The following EFEMP1 variants were observed in gnomAD, a reference collection of about 807,000 sequenced individuals.
EFEMP1 encodes EGF-like fibulin extracellular matrix protein 1.
EFEMP1 carries 18 observed loss-of-function variants against 65.7 expected under a neutral mutation model. The observed-to-expected ratio is 0.27, with a 90% CI of 0.19 to 0.41. The LOEUF is 0.41. Among genes scored for constraint, EFEMP1 ranks in the 10% least tolerant of loss-of-function variants. The pLI is 1.00. For synonymous variants in EFEMP1, 237 were observed against 219.7 expected (o/e 1.08, Z -0.70); for missense variants, 469 against 624.8 (o/e 0.75, Z 2.66).
intron 5 of EFEMP1, among the ~76,000 whole-genome samples, chr2:55,904,383 G>C (rs1161070908): frequency 6.6e-6 from 1 of 152,234 alleles, no homozygotes. Flanking sequence ...GTTTGTGATG[G>C]TTAATTTTAT....
chr2:55,877,875 C>A lies in EFEMP1; in HGVS notation c.641-10G>T. Reference sequence around the variant, plus strand: ...GTACATTCATCTATGTCTAGGTTATCAGGCACACACACAAAGAGAACCAAA... The same window carrying A: ...GTACATTCATCTATGTCTAGGTTATAAGGCACACACACAAAGAGAACCAAA... On this transcript the variant is annotated splice_polypyrimidine_tract_variant and intron_variant, in intron 6 of 11. Coordinates refer to ENST00000355426, the MANE Select transcript of EFEMP1 (RefSeq NM_001039348.3). This position sits in a 1 kb window ranked among gnomAD's most constrained non-coding sequence, Gnocchi z 4.5. 1 of 1,612,690 alleles carries A rather than the reference C, an allele frequency of 6.2e-7. No individual in the cohort carries two copies. Among genetic ancestry groups the A allele is most frequent in the South Asian group, 1.1e-5 (1 of 91,032 alleles).
chr2:55,891,557 C>T (rs1430005774), intron 5 of EFEMP1, among the ~76,000 whole-genome samples: 4 of 152,060 alleles, frequency 2.6e-5, no homozygotes, highest in Admixed American at 6.5e-5. Context: ...GGTGCACATA[C>T]GTATAGCTTT....
Position 55,877,676 on chromosome 2 carries a change from G to A in EFEMP1, c.760+70C>T. On this transcript the variant is annotated intron_variant, in intron 7 of 11. Coordinates refer to ENST00000355426, the MANE Select transcript of EFEMP1 (RefSeq NM_001039348.3). The surrounding 1 kb of genome is among the most constrained non-coding windows in gnomAD (Gnocchi z 4.5). Reference sequence around the variant, plus strand: ...ATTTACTCAAGAACATAGAAAACTGGAAATACTGCAACATGGCATGGGGTT... The same window carrying A: ...ATTTACTCAAGAACATAGAAAACTGAAAATACTGCAACATGGCATGGGGTT... 1.2e-6 allele frequency: 2 copies of A among 1,606,546 alleles called. No homozygotes were observed. Among genetic ancestry groups the A allele is most frequent in the Non-Finnish European group, 1.7e-6 (2 of 1,174,730 alleles).
At position 55,870,380 on chromosome 2, in the gene EFEMP1, G is replaced by C. The variant is rs182707721; in HGVS notation, c.1320+340C>G. On this transcript the variant is annotated intron_variant, in intron 11 of 11. Coordinates refer to ENST00000355426, the MANE Select transcript of EFEMP1 (RefSeq NM_001039348.3). The surrounding 1 kb of genome is among the most constrained non-coding windows in gnomAD (Gnocchi z 5.8). ...GGGTATGTTGGGTGGGGGCAGAGGC[G>C]GGGGGATGGGAGGCTTGTATTTTCG... is the stretch of plus-strand genomic sequence containing the variant. Among the ~76,000 whole-genome samples, 2 of 150,820 alleles carry C rather than the reference G, an allele frequency of 1.3e-5. No individual in the cohort carries two copies. Among genetic ancestry groups the C allele is most frequent in the East Asian group, 3.9e-4 (2 of 5,078 alleles).
In EFEMP1 at chr2:55,866,592, A is replaced by G. The variant is rs969704100; in HGVS notation, c.*481T>C. On this transcript the variant is annotated 3_prime_UTR_variant, in exon 12 of 12. Transcript: ENST00000355426. ...GATATGAAAATAAAAACCAACACAA[A>G]TATGGCAGATCCCCATTTTCTAAAG... 6.3e-6 allele frequency: 1 copy of G among 158,228 alleles called. No individual in the cohort carries two copies. Among genetic ancestry groups the G allele is most frequent in the Non-Finnish European group, 1.4e-5 (1 of 71,472 alleles). The allele number at this position is 158,228 out of a possible 1,614,324, so 9.8% of individuals were successfully genotyped here. A position where few individuals can be genotyped will look rare whatever the true frequency, so the allele number is the denominator to read the frequency against.
intron 6 of EFEMP1, among the ~76,000 whole-genome samples, chr2:55,881,221 T>C (rs1410616693): frequency 6.6e-6 from 1 of 152,208 alleles, no homozygotes; most frequent in Non-Finnish European, 1.5e-5. Context: ...GTGCTTGGAA[T>C]GCAACTCCAC....
At chr2:55,872,818 T>G (rs2104373689) in intron 9 of EFEMP1, among the ~76,000 whole-genome samples, 1 of 152,146 alleles carries the variant, frequency 6.6e-6, no homozygotes, top group Non-Finnish European at 1.5e-5. Flanking sequence ...CTTTCAGTAT[T>G]TTCCACTTTT....
chr2:55,870,883 C>A lies in EFEMP1; in HGVS notation c.1157G>T (p.Cys386Phe). 6.2e-7 allele frequency: 1 copy of A among 1,613,708 alleles called. No individual in the cohort carries two copies. The highest frequency in any genetic ancestry group is 8.5e-7 in the Non-Finnish European group (1 of 1,179,786). ...RCVCPVSNAM[C>F]RELPQSIVYK... Reference sequence around the variant, plus strand: ...GACTATTGACTGGGGCAGTTCTCGGCACATGGCATTTGAGACTGGGCAAAC... The same window carrying A: ...GACTATTGACTGGGGCAGTTCTCGGAACATGGCATTTGAGACTGGGCAAAC... The change falls in exon 11 of 12, where the codon TGC becomes TTC. Residue 386 changes from cysteine (C) to phenylalanine (F), a missense_variant. Cys to Phe is a radical substitution (Grantham distance 205). Coordinates refer to ENST00000355426, the MANE Select transcript of EFEMP1 (RefSeq NM_001039348.3). The surrounding 1 kb of genome is among the most constrained non-coding windows in gnomAD (Gnocchi z 5.8).
At position 55,899,687 on chromosome 2, in the gene EFEMP1, A is replaced by G. The variant is rs577001627; in HGVS notation, c.518-17953T>C. ...TTGAGCCCTGTGTGTTTGGGAATTTAAGAGCAACATGAGGTTATGGTGACC... is the reference window on the plus strand; with the variant it reads ...TTGAGCCCTGTGTGTTTGGGAATTTGAGAGCAACATGAGGTTATGGTGACC... On this transcript the variant is annotated intron_variant, in intron 5 of 11. Coordinates refer to ENST00000355426, the MANE Select transcript of EFEMP1 (RefSeq NM_001039348.3). 7.4e-4 allele frequency among the ~76,000 whole-genome samples: 113 copies of G among 152,312 alleles called. 1 individual carries two copies. Among genetic ancestry groups the G allele is most frequent in the Middle Eastern group, 6.8e-3 (2 of 294 alleles).
chr2:55,867,430 T>C lies in EFEMP1; in HGVS notation c.1321-196A>G, dbSNP rs1323961529. On this transcript the variant is annotated intron_variant, in intron 11 of 11. Coordinates refer to ENST00000355426, the MANE Select transcript of EFEMP1 (RefSeq NM_001039348.3). This position sits in a 1 kb window ranked among gnomAD's most constrained non-coding sequence, Gnocchi z 4.3. ...GTCTAATACAGTCATTAGCTCCAAG[T>C]TTCAAGGACTTGCTTTTTTTTTTTT... Among the ~76,000 whole-genome samples the C allele has an allele frequency of 6.8e-6, 1 of 146,964 alleles. No homozygotes were observed. Among genetic ancestry groups the C allele is most frequent in the Non-Finnish European group, 1.5e-5 (1 of 67,014 alleles).
chr2:55,895,035 A>G (rs77681000), intron 5 of EFEMP1, among the ~76,000 whole-genome samples: 7 of 152,290 alleles, frequency 4.6e-5, no homozygotes, highest in Non-Finnish European at 1.0e-4. Context: ...TGGTGTGAGG[A>G]CTGCCTTCTA....
At chr2:55,894,540 T>C (rs1284307899) in intron 5 of EFEMP1, among the ~76,000 whole-genome samples, 1 of 152,240 alleles carries the variant, frequency 6.6e-6, no homozygotes, top group African/African-American at 2.4e-5. Context: ...CATGGTGATC[T>C]ACACCACTTG....
chr2:55,889,684 G>A (rs1412147300), intron 5 of EFEMP1, among the ~76,000 whole-genome samples: 3 of 152,008 alleles, frequency 2.0e-5, no homozygotes, highest in Non-Finnish European at 4.4e-5. Flanking sequence ...TATATAGTTT[G>A]GCAGGAAGAG....
intron 3 of EFEMP1, among the ~76,000 whole-genome samples, chr2:55,918,974 G>A (rs1461197430): frequency 6.6e-6 from 1 of 152,200 alleles, no homozygotes. Context: ...GCAGCAAGAT[G>A]GCAGGTGCCT....
At chr2:55,905,285 G>A (rs558522885) in intron 5 of EFEMP1, among the ~76,000 whole-genome samples, 2 of 152,072 alleles carry the variant, frequency 1.3e-5, no homozygotes, top group African/African-American at 4.8e-5. Context: ...TCTTTATTAA[G>A]GTCTTCCTGA....
intron 5 of EFEMP1, among the ~76,000 whole-genome samples, chr2:55,911,486 G>A (rs1200346866): frequency 6.6e-6 from 1 of 151,816 alleles, no homozygotes; most frequent in African/African-American, 2.4e-5. Flanking sequence ...ATAACTATAT[G>A]TAGTTATATT....
At chr2:55,897,123 C>T (rs1363783019) in intron 5 of EFEMP1, among the ~76,000 whole-genome samples, 1 of 152,212 alleles carries the variant, frequency 6.6e-6, no homozygotes, top group Admixed American at 6.5e-5. Flanking sequence ...TAAAATGTCA[C>T]ACTGTAATTA....
chr2:55,916,099 T>C (rs939678083), intron 5 of EFEMP1, among the ~76,000 whole-genome samples: 2 of 150,210 alleles, frequency 1.3e-5, no homozygotes, highest in Non-Finnish European at 3.0e-5. Context: ...GCATGACAAG[T>C]TTCCTTCATT....
chr2:55,878,866 A>G (rs1289841778), intron 6 of EFEMP1, among the ~76,000 whole-genome samples: 2 of 152,184 alleles, frequency 1.3e-5, no homozygotes, highest in African/African-American at 2.4e-5. Flanking sequence ...TAATGTAGGC[A>G]AAGTTACTGG....
Sources: gnomAD v4.1 joint callset for allele counts (sites outside exome capture counted in the v4.1 genomes callset) on GRCh38, gnomAD v4.1.1 for gene constraint, Gnocchi (gnomAD v3.1) non-coding constraint, MANE v1.5 for transcripts, NCBI Gene and HGNC (gene_info 2026-07-23, HGNC 2026-07-21) for gene names.